SH3GLB1: variants seen among roughly 807,000 people sequenced by gnomAD.
SH3GLB1 encodes SH3 domain containing GRB2 like, endophilin B1, also known as endophilin-B1.
A neutral mutation model predicts 42.0 loss-of-function variants in SH3GLB1; 17 were observed. The ratio of observed to expected loss-of-function variants is 0.40; its 90% CI spans 0.28 to 0.61. SH3GLB1 has a LOEUF of 0.61. SH3GLB1 is among the 20% of genes least tolerant of loss of function. SH3GLB1 has a pLI of 0.36. For synonymous variants in SH3GLB1, 132 were observed against 146.6 expected, an observed-to-expected ratio of 0.90 and a Z score of 0.72; for missense variants, 355 against 426.3, an observed-to-expected ratio of 0.83 and a Z score of 1.47.
At chr1:86,736,077 G>C (rs1005568533) in intron 7 of SH3GLB1, among the ~76,000 whole-genome samples, 2 of 152,190 alleles carry the variant, frequency 1.3e-5, no homozygotes, top group African/African-American at 4.8e-5. Flanking sequence ...AAGAAAGAGA[G>C]TAGGGAAAGT....
Position 86,722,678 on chromosome 1 carries a change from G to A in SH3GLB1, c.477+5G>A, listed in dbSNP as rs1654934333. The A allele has an allele frequency of 6.3e-7, 1 of 1,584,154 alleles. No individual in the cohort carries two copies. Among genetic ancestry groups the A allele is most frequent in the Non-Finnish European group, 8.6e-7 (1 of 1,168,508 alleles). On this transcript the variant is annotated splice_donor_5th_base_variant and intron_variant, in intron 4 of 8. Coordinates refer to ENST00000370558, the MANE Select transcript of SH3GLB1 (RefSeq NM_016009.5). ...GGAGATTACAAAACAATTGCTGTGA[G>A]TTGAAAAATGTCCCCTTTATTTAGT...
Position 86,704,880 on chromosome 1 carries a change from C to G in SH3GLB1, c.-20C>G. 1 of 1,549,954 alleles carries G rather than the reference C, an allele frequency of 6.5e-7. No individual in the cohort carries two copies. Among genetic ancestry groups the G allele is most frequent in the Non-Finnish European group, 8.7e-7 (1 of 1,149,232 alleles). ...CTCGCCGCCGCTAGGTCGGCCGGCTCCGCCCGGCTGCCGCCTAGGATGAAT... is the reference window on the plus strand; with the variant it reads ...CTCGCCGCCGCTAGGTCGGCCGGCTGCGCCCGGCTGCCGCCTAGGATGAAT... On this transcript the variant is annotated 5_prime_UTR_variant, in exon 1 of 9. Transcript: ENST00000370558.
rs1654940511 is a variant in SH3GLB1, at chr1:86,722,790, T to C, written c.477+117T>C. On this transcript the variant is annotated intron_variant, in intron 4 of 8. Coordinates refer to ENST00000370558, the MANE Select transcript of SH3GLB1 (RefSeq NM_016009.5). ...TGTAGTGGATTACAAAATTAAATAA[T>C]CTAGGTCAGTGCATGTTCACCAGAA... 1.6e-5 allele frequency: 13 copies of C among 793,074 alleles called. No homozygotes were observed. In the South Asian group the frequency reaches 3.2e-4, roughly 20 times the overall value. 49.1% of individuals were successfully genotyped at this position (793,074 alleles called of 1,614,324 possible).
intron 5 of SH3GLB1, chr1:86,734,399 G>A: frequency 6.1e-6 from 3 of 494,662 alleles, no homozygotes; most frequent in Non-Finnish European, 1.1e-5. Context: ...ATCAAGTACT[G>A]GAATCAGTTG....
chr1:86,730,003 A>G (rs372512032), intron 5 of SH3GLB1: 1 of 1,302,092 alleles, frequency 7.7e-7, no homozygotes. Context: ...TTAAACAAAT[A>G]TTTATATTTT....
At chr1:86,720,525 C>T (rs1400346111) in intron 3 of SH3GLB1, among the ~76,000 whole-genome samples, 1 of 152,192 alleles carries the variant, frequency 6.6e-6, no homozygotes, top group Non-Finnish European at 1.5e-5. Context: ...AGCCCTGAAG[C>T]TCAAAGTTAC....
chr1:86,714,304 T>C (rs1654385524), intron 1 of SH3GLB1, among the ~76,000 whole-genome samples: 2 of 152,220 alleles, frequency 1.3e-5, no homozygotes, highest in Admixed American at 6.5e-5. Flanking sequence ...TGAGGTTGCA[T>C]AGTTTATCCA....
At position 86,704,591 on chromosome 1, in the gene SH3GLB1, C is replaced by G. The variant is rs766852157; in HGVS notation, c.-309C>G. The G allele has an allele frequency of 4.0e-6, 1 of 250,870 alleles. No individual in the cohort carries two copies. Among genetic ancestry groups the G allele is most frequent in the Non-Finnish European group, 7.8e-6 (1 of 128,866 alleles). 15.5% of individuals were successfully genotyped at this position (250,870 alleles called of 1,614,324 possible). A position where few individuals can be genotyped will look rare whatever the true frequency, so the allele number is the denominator to read the frequency against. On this transcript the variant is annotated 5_prime_UTR_variant, in exon 1 of 9. Coordinates refer to ENST00000370558, the MANE Select transcript of SH3GLB1 (RefSeq NM_016009.5). ...GCCCGCGCTTGTTTTTCCCTTGGGA[C>G]CCGGGTCCACACGGCGGGGTCGCCC...
chr1:86,737,817 C>T (rs1369726315), intron 7 of SH3GLB1, among the ~76,000 whole-genome samples: 5 of 152,064 alleles, frequency 3.3e-5, no homozygotes, highest in African/African-American at 9.7e-5. Context: ...TAGAGAAAGA[C>T]GTGAGAAAGC....
chr1:86,711,827 C>T (rs1014123535), intron 1 of SH3GLB1, among the ~76,000 whole-genome samples: 2 of 151,922 alleles, frequency 1.3e-5, no homozygotes, highest in African/African-American at 4.8e-5. Context: ...CAGTATTCTC[C>T]TAGTAGATCA....
chr1:86,732,311 A>G (rs932684216), intron 5 of SH3GLB1, among the ~76,000 whole-genome samples: 3 of 152,230 alleles, frequency 2.0e-5, no homozygotes, highest in African/African-American at 7.2e-5. Flanking sequence ...ATGTTATGCT[A>G]TCATGTAGTC....
In SH3GLB1 at chr1:86,719,600, A is replaced by G. The variant is rs1654744261; in HGVS notation, c.308A>G (p.Asp103Gly). Reference protein sequence around the residue: ...NPELLGQYMIDAGTEFGPGTA... With the variant: ...NPELLGQYMIGAGTEFGPGTA... ...GAACTTTTGGGACAATATATGATTG[A>G]TGCAGGGACTGAGTTTGGCCCAGGA... Residue 103 changes from aspartate to glycine, a missense_variant, in exon 3 of 9, where the codon GAT becomes GGT. By Grantham distance (94) the Asp-to-Gly change is moderately conservative. Transcript: ENST00000370558. 3.1e-6 allele frequency: 5 copies of G among 1,610,928 alleles called. No individual in the cohort carries two copies. The highest frequency in any genetic ancestry group is 4.2e-6 in the Non-Finnish European group (5 of 1,178,416).
At chr1:86,713,469 G>T (rs1654329931) in intron 1 of SH3GLB1, among the ~76,000 whole-genome samples, 1 of 152,124 alleles carries the variant, frequency 6.6e-6, no homozygotes, top group East Asian at 1.9e-4. Flanking sequence ...TTTCCACAGA[G>T]AAATTAATAT....
intron 6 of SH3GLB1, 150 bp from the exon 7 acceptor site, chr1:86,734,929 A>G (rs556607074): frequency 1.2e-4 from 77 of 661,106 alleles, no homozygotes; most frequent in Middle Eastern, 7.5e-4. Context: ...CTAGTGTACT[A>G]TTCACGAAGG....
intron 2 of SH3GLB1, 90 bp from the exon 3 acceptor site, chr1:86,719,417 A>G: frequency 9.0e-7 from 1 of 1,110,634 alleles, no homozygotes; most frequent in Non-Finnish European, 1.3e-6. Flanking sequence ...ACTTTAGGAG[A>G]TGATAAATGG....
At position 86,746,917 on chromosome 1, in the gene SH3GLB1, G is replaced by A. The variant is rs1463048642; in HGVS notation, c.*3682G>A. ...AGTAGAGCAGTGATTGGCAAAGTGT[G>A]AGACCCCAGACCGGCAATATTGGCA... On this transcript the variant is annotated 3_prime_UTR_variant, in exon 9 of 9. Transcript: ENST00000370558. The A allele has an allele frequency of 6.6e-6, 1 of 152,272 alleles. No individual in the cohort carries two copies. Among genetic ancestry groups the A allele is most frequent in the Non-Finnish European group, 1.5e-5 (1 of 68,016 alleles). The allele number at this position is 152,272 out of a possible 1,614,324, so 9.4% of individuals were successfully genotyped here.
In SH3GLB1 at chr1:86,719,447, A is replaced by C. The variant is rs184589120; in HGVS notation, c.215-60A>C. The C allele has an allele frequency of 1.7e-5, 25 of 1,500,254 alleles. No homozygotes were observed. In the Admixed American group the frequency reaches 4.9e-4, roughly 29 times the overall value. The allele number at this position is 1,500,254 out of a possible 1,614,324, so 92.9% of individuals were successfully genotyped here. A position where few individuals can be genotyped will look rare whatever the true frequency, so the allele number is the denominator to read the frequency against. On this transcript the variant is annotated intron_variant, in intron 2 of 8. Coordinates refer to ENST00000370558, the MANE Select transcript of SH3GLB1 (RefSeq NM_016009.5). ...AAATGGCTGCTGATGGGGGAAAAAA[A>C]CAATCTTCTAATTAGTTTTGCTTTT...
At chr1:86,711,283 TGTGG>T (rs1006476412) in intron 1 of SH3GLB1, among the ~76,000 whole-genome samples, 6 of 152,060 alleles carry the variant, frequency 3.9e-5, no homozygotes, top group African/African-American at 1.4e-4. Context: ...TATTTAATAA[TGTGG>T]GTTATATGCC....
chr1:86,705,424 C>T (rs1013940949), intron 1 of SH3GLB1, among the ~76,000 whole-genome samples: 1 of 152,142 alleles, frequency 6.6e-6, no homozygotes, highest in African/African-American at 2.4e-5. Flanking sequence ...CTTTTCCTGT[C>T]CTTCAACCCA....
Sources: gnomAD v4.1 joint callset for allele counts (sites outside exome capture counted in the v4.1 genomes callset) on GRCh38, gnomAD v4.1.1 for gene constraint, MANE v1.5 for transcripts, NCBI Gene and HGNC (gene_info 2026-07-23, HGNC 2026-07-21) for gene names.